Variants in PPP6R3 observed in about 807,000 individuals in gnomAD.
The protein encoded by PPP6R3 is serine/threonine-protein phosphatase 6 regulatory subunit 3.
In PPP6R3, 38 loss-of-function variants were observed where a neutral mutation model predicts 110.7. The observed-to-expected ratio is 0.34, with a 90% CI of 0.26 to 0.45. The LOEUF is 0.45. Among genes scored for constraint, PPP6R3 ranks in the 20% least tolerant of loss-of-function variants. The pLI, the probability that PPP6R3 is intolerant of heterozygous loss-of-function variation, is 1.00. For synonymous variants in PPP6R3, 369 were observed against 373.5 expected, an observed-to-expected ratio of 0.99 and a Z score of 0.14; for missense variants, 870 against 1,062.4, an observed-to-expected ratio of 0.82 and a Z score of 2.52.
intron 1 of PPP6R3, among the ~76,000 whole-genome samples, chr11:68,461,554 C>T (rs545520320): frequency 6.6e-6 from 1 of 151,990 alleles, no homozygotes; most frequent in African/African-American, 2.4e-5. Flanking sequence ...GAAGCCCATT[C>T]ACTGTTTACT....
chr11:68,597,735 T>A (rs2099618334), intron 19 of PPP6R3, among the ~76,000 whole-genome samples: 4 of 151,042 alleles, frequency 2.6e-5, no homozygotes, highest in African/African-American at 4.9e-5. Flanking sequence ...CCCAGCACTT[T>A]CTGGAGGCCG....
chr11:68,486,522 G>A (rs1171735519), intron 1 of PPP6R3, among the ~76,000 whole-genome samples: 1 of 150,554 alleles, frequency 6.6e-6, no homozygotes, highest in Admixed American at 6.7e-5. Context: ...GGAGAATGGC[G>A]TGAACCCGGG....
At chr11:68,589,934 T>A (rs1366875834) in intron 16 of PPP6R3, among the ~76,000 whole-genome samples, 8 of 152,206 alleles carry the variant, frequency 5.3e-5, no homozygotes, top group Admixed American at 5.2e-4. Context: ...ATTCTGTCCA[T>A]ACCCCAGGAG....
chr11:68,485,811 T>C (rs899982418), intron 1 of PPP6R3, among the ~76,000 whole-genome samples: 14 of 152,250 alleles, frequency 9.2e-5, no homozygotes, highest in African/African-American at 3.4e-4. Context: ...CCTCCTGTCT[T>C]AGTCTCCCAA....
At chr11:68,556,143 C>G (rs1198558720) in intron 7 of PPP6R3, among the ~76,000 whole-genome samples, 1 of 152,030 alleles carries the variant, frequency 6.6e-6, no homozygotes, top group Non-Finnish European at 1.5e-5. Flanking sequence ...ACATAGCTTG[C>G]CGAGCTCTAT....
chr11:68,548,256 A>T (rs773345656), intron 5 of PPP6R3, 52 bp downstream of exon 5: 1 of 1,601,970 alleles, frequency 6.2e-7, no homozygotes, highest in Admixed American at 1.7e-5. Context: ...CTGGCATGTG[A>T]GCCCACCAGG....
At chr11:68,545,810 C>G (rs1394804702) in intron 4 of PPP6R3, among the ~76,000 whole-genome samples, 1 of 152,218 alleles carries the variant, frequency 6.6e-6, no homozygotes. Flanking sequence ...GAAAAAGGAT[C>G]TGCTTATCTG....
chr11:68,556,223 GCA>G, intron 7 of PPP6R3, among the ~76,000 whole-genome samples: 1 of 152,196 alleles, frequency 6.6e-6, no homozygotes, highest in African/African-American at 2.4e-5. Context: ...TAAATGTTAA[GCA>G]CAGATAGCAC....
rs374959248 is a variant in PPP6R3 at position 68,597,957 on chromosome 11, C to T, written c.2038+1739C>T. ...ATCATGCTGTGCACTCCAGCCTGGGCGACAGAGTGAGACTCCATCTGGGGA... is the reference window on the plus strand; with the variant it reads ...ATCATGCTGTGCACTCCAGCCTGGGTGACAGAGTGAGACTCCATCTGGGGA... On this transcript the variant is annotated intron_variant, in intron 19 of 23. Coordinates refer to ENST00000393800, the MANE Select transcript of PPP6R3 (RefSeq NM_001164161.2). Among the ~76,000 whole-genome samples the T allele has an allele frequency of 2.6e-5, 4 of 151,670 alleles. No individual in the cohort carries two copies. The East Asian group carries it at 5.8e-4, about 22-fold the overall frequency.
At chr11:68,576,654 T>C (rs1264901272) in intron 14 of PPP6R3, among the ~76,000 whole-genome samples, 1 of 152,230 alleles carries the variant, frequency 6.6e-6, no homozygotes, top group Non-Finnish European at 1.5e-5. Flanking sequence ...GTATTGCTTT[T>C]TTCTGCTTTT....
At chr11:68,487,178 C>T (rs1461362481) in intron 1 of PPP6R3, among the ~76,000 whole-genome samples, 3 of 152,094 alleles carry the variant, frequency 2.0e-5, no homozygotes, top group East Asian at 3.9e-4. Flanking sequence ...GGTTTTGGAT[C>T]TTCTTTTTTA....
At chr11:68,557,331 C>A (rs2153719009) in intron 7 of PPP6R3, among the ~76,000 whole-genome samples, 1 of 152,090 alleles carries the variant, frequency 6.6e-6, no homozygotes, top group Non-Finnish European at 1.5e-5. Flanking sequence ...TTTGTTTCCC[C>A]AAAATAGAAA....
At chr11:68,495,828 A>C (rs1248865500) in intron 1 of PPP6R3, among the ~76,000 whole-genome samples, 1 of 152,198 alleles carries the variant, frequency 6.6e-6, no homozygotes, top group Non-Finnish European at 1.5e-5. Context: ...AGTATGTTTC[A>C]ATTCTCTTGG....
chr11:68,557,782 T>C (rs1428071522), intron 7 of PPP6R3, among the ~76,000 whole-genome samples: 1 of 152,214 alleles, frequency 6.6e-6, no homozygotes, highest in Non-Finnish European at 1.5e-5. Context: ...CCTCCCAAAG[T>C]GTGGGGATTA....
At chr11:68,536,027 A>C (rs977187025) in intron 2 of PPP6R3, among the ~76,000 whole-genome samples, 1 of 152,122 alleles carries the variant, frequency 6.6e-6, no homozygotes, top group Non-Finnish European at 1.5e-5. Flanking sequence ...TAAAATGTTC[A>C]GTGATCTCAT....
chr11:68,480,310 A>G (rs914700837), intron 1 of PPP6R3, among the ~76,000 whole-genome samples: 11 of 152,226 alleles, frequency 7.2e-5, no homozygotes, highest in African/African-American at 2.4e-4. Context: ...TTTGTCTGCC[A>G]TGCTCTAATT....
At chr11:68,597,481 G>A (rs1319989504) in intron 19 of PPP6R3, among the ~76,000 whole-genome samples, 1 of 152,144 alleles carries the variant, frequency 6.6e-6, no homozygotes, top group Non-Finnish European at 1.5e-5. Context: ...GACATTCATG[G>A]CAACAGTGAA....
At chr11:68,530,070 C>T (rs2099228293) in intron 2 of PPP6R3, among the ~76,000 whole-genome samples, 1 of 152,064 alleles carries the variant, frequency 6.6e-6, no homozygotes, top group Non-Finnish European at 1.5e-5. Context: ...ATAATATAGC[C>T]CTGTTGGATA....
At position 68,591,697 on chromosome 11, in the gene PPP6R3, G is replaced by A. The variant is rs2099595804; in HGVS notation, c.1907G>A (p.Arg636Lys). The change falls in exon 18 of 24, where the codon AGA becomes AAA. Residue 636 changes from arginine (R) to lysine (K), a missense_variant. Transcript: ENST00000393800. ...ATCGCATTCACACCAGAATCCCAAA[G>A]ACGATCCAGGTGAAAGATAGTTGGT... ...KHIAFTPESQ[R>K]RSSSGSTDSE... is the part of the protein sequence containing the mutation. The A allele has an allele frequency of 6.2e-7, 1 of 1,609,610 alleles. No homozygotes were observed. The highest frequency in any genetic ancestry group is 8.5e-7 in the Non-Finnish European group (1 of 1,178,704).
Sources: allele counts gnomAD v4.1 joint callset (sites outside exome capture counted in the v4.1 genomes callset), GRCh38; gene constraint gnomAD v4.1.1; transcripts MANE v1.5; gene names NCBI Gene and HGNC (gene_info 2026-07-23, HGNC 2026-07-21).